Variants in CAMSAP1 observed in about 807,000 individuals in gnomAD.
The protein encoded by CAMSAP1 is calmodulin-regulated spectrin-associated protein 1.
A neutral mutation model predicts 143.5 loss-of-function variants in CAMSAP1; 58 were observed. The ratio of observed to expected loss-of-function variants is 0.40; its 90% CI spans 0.33 to 0.50. The LOEUF is 0.50. Ranked by LOEUF, CAMSAP1 falls within the 20% of genes least tolerant of loss-of-function variation. CAMSAP1 has a pLI of 0.45. For missense variants in CAMSAP1, 1,969 were observed against 2,115.7 expected (o/e 0.93, Z 1.36); for synonymous variants, 945 against 859.3 (o/e 1.10, Z -1.74).
rs1265645130 is a variant in CAMSAP1 at position 135,822,218 on chromosome 9, T to A, written c.2443A>T (p.Thr815Ser). The change falls in exon 11 of 17, where the codon ACC becomes TCC. Residue 815 changes from threonine to serine, a missense_variant. By Grantham distance (58) the Thr-to-Ser change is moderately conservative. Coordinates refer to ENST00000389532, the MANE Select transcript of CAMSAP1 (RefSeq NM_015447.4). This position sits in a 1 kb window ranked among gnomAD's most constrained non-coding sequence, Gnocchi z 6.1. ...TGGAGCTTCCTCTCCGCAAAGCTGGTCATCTTCACGCTCCCACTCGCCATG... is the reference window on the plus strand; with the variant it reads ...TGGAGCTTCCTCTCCGCAAAGCTGGACATCTTCACGCTCCCACTCGCCATG... ...VSMASGSVKM[T>S]SFAERKLQRL... The A allele has an allele frequency of 6.2e-7, 1 of 1,614,000 alleles. No individual in the cohort carries two copies. Among genetic ancestry groups the A allele is most frequent in the Non-Finnish European group, 8.5e-7 (1 of 1,179,890 alleles).
At position 135,818,431 on chromosome 9, in the gene CAMSAP1, G is replaced by C. The variant is rs764783317; in HGVS notation, c.4145C>G (p.Ser1382Cys). 3.1e-6 allele frequency: 5 copies of C among 1,592,348 alleles called. No individual in the cohort carries two copies. The highest frequency in any genetic ancestry group is 1.3e-5 in the African/African-American group (1 of 74,688). The change falls in exon 13 of 17, where the codon TCC (serine) becomes TGC (cysteine). Residue 1382 changes from serine (S) to cysteine (C), a missense_variant. By Grantham distance (112) the Ser-to-Cys change is moderately radical (BLOSUM62 -1). Transcript: ENST00000389532. This position sits in a 1 kb window ranked among gnomAD's most constrained non-coding sequence, Gnocchi z 7.7. ...SVHREESCSD[S>C]GTKCSSTPDN... ...ACGGGTGGAGGAGCACTTGGTGCCG[G>C]AGTCGCTGCACGACTCTTCCCGGTG...
chr9:135,822,009 C>T lies in CAMSAP1; in HGVS notation c.2652G>A (p.Gln884=), dbSNP rs772736358. 4 of 1,612,954 alleles carry T rather than the reference C, an allele frequency of 2.5e-6. No individual in the cohort carries two copies. The East Asian group carries it at 8.9e-5, about 36-fold the overall frequency. Residue 884 remains glutamine, a synonymous_variant, in exon 11 of 17, where the codon CAG becomes CAA. Coordinates refer to ENST00000389532, the MANE Select transcript of CAMSAP1 (RefSeq NM_015447.4). This position sits in a 1 kb window ranked among gnomAD's most constrained non-coding sequence, Gnocchi z 6.1. ...LASELVQLHM[Q]LEEKRRAIEA... ...CGATGGCCCTGCGCTTCTCCTCCAG[C>T]TGCATGTGCAGCTGTACCAGCTCAG...
Position 135,824,028 on chromosome 9 carries a change from C to T in CAMSAP1, c.1322G>A (p.Arg441Gln), listed in dbSNP as rs764484261. 1.6e-5 allele frequency: 26 copies of T among 1,580,512 alleles called. No homozygotes were observed. Among genetic ancestry groups the T allele is most frequent in the Non-Finnish European group, 2.2e-5 (26 of 1,162,386 alleles). Residue 441 changes from arginine to glutamine, a missense_variant, in exon 10 of 17, where the codon CGA becomes CAA. Arg to Gln is a conservative substitution (Grantham distance 43). This residue lies in a region of CAMSAP1 where 1,390 missense variants were observed against 1,420.8 expected (regional missense o/e 0.98). Transcript: ENST00000389532. The surrounding 1 kb of genome is among the most constrained non-coding windows in gnomAD (Gnocchi z 4.1). ...SIQGEDIPDQ[R>Q]HRSNSLTRVD... Reference sequence around the variant, plus strand: ...TCGGGTCAAAGAATTCGATCGATGTCGCTGATCTGCAGTACAGAGGAATTA... The same window carrying T: ...TCGGGTCAAAGAATTCGATCGATGTTGCTGATCTGCAGTACAGAGGAATTA...
intron 1 of CAMSAP1, among the ~76,000 whole-genome samples, chr9:135,884,222 T>C (rs1838052021): frequency 6.6e-6 from 1 of 152,126 alleles, no homozygotes; most frequent in African/African-American, 2.4e-5. Context: ...CACTGACTCC[T>C]AGCGTTCAGA....
At chr9:135,905,482 G>A (rs1008547635) in intron 1 of CAMSAP1, among the ~76,000 whole-genome samples, 2 of 152,134 alleles carry the variant, frequency 1.3e-5, no homozygotes, top group Non-Finnish European at 1.5e-5. Flanking sequence ...CGGATCCCAG[G>A]AGCCATGCCC....
intron 7 of CAMSAP1, among the ~76,000 whole-genome samples, chr9:135,849,001 C>T (rs1454322642): frequency 6.6e-6 from 1 of 152,244 alleles, no homozygotes; most frequent in Non-Finnish European, 1.5e-5. Context: ...CACCTGGGCC[C>T]GTTCCAACGT....
chr9:135,857,170 T>G (rs777036828), intron 5 of CAMSAP1, among the ~76,000 whole-genome samples: 1 of 152,260 alleles, frequency 6.6e-6, no homozygotes, highest in African/African-American at 2.4e-5. Context: ...CACTGGGTCC[T>G]TCCTACTTAC....
chr9:135,902,083 C>T (rs1331520195), intron 1 of CAMSAP1, among the ~76,000 whole-genome samples: 2 of 152,182 alleles, frequency 1.3e-5, no homozygotes, highest in Non-Finnish European at 2.9e-5. Flanking sequence ...AACTAGGCAG[C>T]AGGTGGTTCT....
intron 16 of CAMSAP1, among the ~76,000 whole-genome samples, chr9:135,812,305 C>T (rs901674920): frequency 6.6e-6 from 1 of 152,066 alleles, no homozygotes; most frequent in South Asian, 2.1e-4. Context: ...AGCATGGGGT[C>T]GGAGCATGCA....
Position 135,818,098 on chromosome 9 carries a change from G to C in CAMSAP1, c.4169-19C>G. ...TTATCAGCTGCCAGAGACAGAAACA[G>C]ACGACGGTTCATGAACGGATTCCGA... On this transcript the variant is annotated intron_variant, in intron 13 of 16. Transcript: ENST00000389532. The surrounding 1 kb of genome is among the most constrained non-coding windows in gnomAD (Gnocchi z 7.7). 2.5e-6 allele frequency: 4 copies of C among 1,611,684 alleles called. No homozygotes were observed. The highest frequency in any genetic ancestry group is 3.4e-6 in the Non-Finnish European group (4 of 1,178,284).
chr9:135,862,415 A>G, intron 5 of CAMSAP1, 52 bp downstream of exon 5: 1 of 1,536,822 alleles, frequency 6.5e-7, no homozygotes, highest in Non-Finnish European at 8.8e-7. Flanking sequence ...GTACACTATA[A>G]TTTTCCTTTA....
chr9:135,856,068 AT>A (rs1377197095), intron 5 of CAMSAP1, among the ~76,000 whole-genome samples: 12 of 152,218 alleles, frequency 7.9e-5, no homozygotes, highest in East Asian at 5.8e-4. Context: ...ACACAAAAAA[AT>A]AAAACAAAAA....
chr9:135,857,184 G>A (rs1837008777), intron 5 of CAMSAP1, among the ~76,000 whole-genome samples: 1 of 152,166 alleles, frequency 6.6e-6, no homozygotes, highest in African/African-American at 2.4e-5. Flanking sequence ...TACTTACCAC[G>A]CATGTCCTTG....
At chr9:135,895,114 A>G (rs148242912) in intron 1 of CAMSAP1, among the ~76,000 whole-genome samples, 2 of 152,310 alleles carry the variant, frequency 1.3e-5, no homozygotes, top group Admixed American at 1.3e-4. Flanking sequence ...GACCTGCGGG[A>G]GAATAACAAA....
At chr9:135,848,673 C>T (rs1475491826) in intron 7 of CAMSAP1, among the ~76,000 whole-genome samples, 4 of 152,222 alleles carry the variant, frequency 2.6e-5, no homozygotes, top group Non-Finnish European at 5.9e-5. Context: ...GTGGCTCACA[C>T]ACACCCAGGG....
At chr9:135,868,325 C>T (rs1048016405) in intron 3 of CAMSAP1, among the ~76,000 whole-genome samples, 4 of 152,202 alleles carry the variant, frequency 2.6e-5, no homozygotes, top group Admixed American at 2.6e-4. Flanking sequence ...GTCCAAATGA[C>T]ATCAGTGACC....
chr9:135,818,095 A>G lies in CAMSAP1; in HGVS notation c.4169-16T>C. On this transcript the variant is annotated splice_polypyrimidine_tract_variant and intron_variant, in intron 13 of 16. Transcript: ENST00000389532. The surrounding 1 kb of genome is among the most constrained non-coding windows in gnomAD (Gnocchi z 7.7). The stretch of plus-strand genomic sequence containing the variant: ...AAGTTATCAGCTGCCAGAGACAGAA[A>G]CAGACGACGGTTCATGAACGGATTC... The G allele has an allele frequency of 6.2e-7, 1 of 1,612,350 alleles. No homozygotes were observed. Among genetic ancestry groups the G allele is most frequent in the Non-Finnish European group, 8.5e-7 (1 of 1,178,806 alleles).
At chr9:135,868,103 T>C (rs1837442748) in intron 3 of CAMSAP1, among the ~76,000 whole-genome samples, 1 of 148,516 alleles carries the variant, frequency 6.7e-6, no homozygotes, top group Non-Finnish European at 1.5e-5. Flanking sequence ...ATTTGGAAAA[T>C]GAAAGCAAAA....
intron 7 of CAMSAP1, among the ~76,000 whole-genome samples, chr9:135,839,106 A>G (rs73559416): frequency 0.018 from 2,766 of 152,190 alleles, 92 homozygotes; most frequent in African/African-American, 0.064. Flanking sequence ...CACACTTTCT[A>G]CTTGGTTCGG....
Sources: allele counts gnomAD v4.1 joint callset (sites outside exome capture counted in the v4.1 genomes callset), GRCh38; gene constraint gnomAD v4.1.1; regional missense constraint gnomAD v4.1.1; non-coding constraint Gnocchi (gnomAD v3.1); transcripts MANE v1.5; gene names NCBI Gene and HGNC (gene_info 2026-07-23, HGNC 2026-07-21).